Variants in DYNC1I2 observed in about 807,000 individuals in gnomAD.
DYNC1I2 encodes dynein cytoplasmic 1 intermediate chain 2, also known as cytoplasmic dynein 1 intermediate chain 2.
A neutral mutation model predicts 88.6 loss-of-function variants in DYNC1I2; 53 were observed. The observed-to-expected ratio is 0.60, with a 90% CI of 0.48 to 0.75. The LOEUF is 0.75. DYNC1I2 is among the 30% of genes least tolerant of loss of function. The pLI is 0.00. For missense variants in DYNC1I2, 458 were observed against 766.6 expected (o/e 0.60, Z 4.75); for synonymous variants, 198 against 254.6 (o/e 0.78, Z 2.12).
chr2:171,712,530 A>G (rs959817565), intron 5 of DYNC1I2: 1 of 453,740 alleles, frequency 2.2e-6, no homozygotes, highest in Non-Finnish European at 3.9e-6. Context: ...TCTTTTAACT[A>G]TTCTGGGTTG....
intron 7 of DYNC1I2, among the ~76,000 whole-genome samples, chr2:171,717,241 G>A (rs191095801): frequency 8.0e-5 from 12 of 149,878 alleles, no homozygotes; most frequent in Admixed American, 7.4e-4. Context: ...AGCTTCCTGA[G>A]TAGCTGGGAT....
chr2:171,734,051 G>A (rs937972046), intron 15 of DYNC1I2, among the ~76,000 whole-genome samples: 5 of 152,116 alleles, frequency 3.3e-5, no homozygotes, highest in African/African-American at 1.2e-4. Context: ...GTTAAACAGG[G>A]AATCTATTCC....
chr2:171,727,677 TTTTAA>T lies in DYNC1I2; in HGVS notation c.997-141_997-137del, dbSNP rs1039051213. 27 of 631,432 alleles carry T rather than the reference TTTTAA, an allele frequency of 4.3e-5. No individual in the cohort carries two copies. In the African/African-American group the frequency reaches 5.1e-4, roughly 12 times the overall value. 39.1% of individuals were successfully genotyped at this position (631,432 alleles called of 1,614,324 possible). ...TTTATATTTCTGAAACAGTGAAAAC[TTTTAA>T]TTAATTTACTTAGTTGTTTTTATAA... On this transcript the variant is annotated intron_variant, in intron 11 of 17. Coordinates refer to ENST00000397119, the MANE Select transcript of DYNC1I2 (RefSeq NM_001378.3).
intron 15 of DYNC1I2, among the ~76,000 whole-genome samples, chr2:171,730,557 TC>T (rs1688539048): frequency 6.6e-6 from 1 of 152,216 alleles, no homozygotes. Context: ...CAACATTACC[TC>T]CTGTGATAGA....
intron 7 of DYNC1I2, among the ~76,000 whole-genome samples, chr2:171,715,850 A>T (rs947481653): frequency 6.6e-6 from 1 of 152,214 alleles, no homozygotes. Context: ...TCTGAAAAGC[A>T]TACTGTACCC....
At chr2:171,728,964 A>AT (rs1249153326) in intron 14 of DYNC1I2, 114 bp downstream of exon 14, 3 of 1,200,428 alleles carry the variant, frequency 2.5e-6, no homozygotes, top group Non-Finnish European at 3.4e-6. Context: ...TTTGTGACAG[A>AT]TTTTTTGTGT....
intron 3 of DYNC1I2, among the ~76,000 whole-genome samples, chr2:171,699,994 T>G (rs1178048705): frequency 6.6e-6 from 1 of 152,184 alleles, no homozygotes; most frequent in African/African-American, 2.4e-5. Flanking sequence ...TAAACATTTA[T>G]TATCTCTTAT....
At chr2:171,723,778 C>G (rs1404991100) in intron 7 of DYNC1I2, among the ~76,000 whole-genome samples, 3 of 152,124 alleles carry the variant, frequency 2.0e-5, no homozygotes, top group Admixed American at 1.3e-4. Context: ...TGTTCTTTCC[C>G]CTTTGCACCA....
At chr2:171,697,217 C>T (rs1032360346) in intron 3 of DYNC1I2, among the ~76,000 whole-genome samples, 1 of 151,854 alleles carries the variant, frequency 6.6e-6, no homozygotes, top group Non-Finnish European at 1.5e-5. Context: ...GATGGGGTCT[C>T]ACTATGTTGC....
intron 15 of DYNC1I2, among the ~76,000 whole-genome samples, chr2:171,739,092 G>T (rs1689214706): frequency 7.3e-6 from 1 of 137,094 alleles, no homozygotes; most frequent in Non-Finnish European, 1.6e-5. Flanking sequence ...CTCTAGCCTG[G>T]GCAACAAGAG....
At chr2:171,689,348 G>A (rs530267775) in intron 1 of DYNC1I2, among the ~76,000 whole-genome samples, 3 of 152,242 alleles carry the variant, frequency 2.0e-5, no homozygotes, top group East Asian at 3.9e-4. Flanking sequence ...TAACTCCTGC[G>A]TTTTGCTTTA....
chr2:171,693,045 A>G (rs1426613051), intron 3 of DYNC1I2, 151 bp downstream of exon 3: 7 of 656,930 alleles, frequency 1.1e-5, no homozygotes, highest in Middle Eastern at 3.7e-4. Flanking sequence ...TTTTTTTCAG[A>G]TATGCTAGTA....
chr2:171,717,637 T>C (rs1687606553), intron 7 of DYNC1I2, among the ~76,000 whole-genome samples: 1 of 152,198 alleles, frequency 6.6e-6, no homozygotes, highest in Non-Finnish European at 1.5e-5. Flanking sequence ...TGCAGGATTC[T>C]GTAATTTCTA....
chr2:171,722,298 G>A (rs906449151), intron 7 of DYNC1I2, among the ~76,000 whole-genome samples: 3 of 152,130 alleles, frequency 2.0e-5, no homozygotes, highest in Admixed American at 1.3e-4. Context: ...TAAAAATTCA[G>A]TGGTTCATTA....
intron 1 of DYNC1I2, among the ~76,000 whole-genome samples, chr2:171,689,807 G>A (rs1685247940): frequency 6.6e-6 from 1 of 151,314 alleles, no homozygotes; most frequent in African/African-American, 2.4e-5. Context: ...GACTTCCTGG[G>A]CTCCAGCAAT....
At chr2:171,699,696 G>C (rs190953680) in intron 3 of DYNC1I2, among the ~76,000 whole-genome samples, 47 of 151,872 alleles carry the variant, frequency 3.1e-4, no homozygotes, top group African/African-American at 1.1e-3. Flanking sequence ...CTGGAGTGCA[G>C]TGGTGTGATC....
intron 17 of DYNC1I2, among the ~76,000 whole-genome samples, chr2:171,747,433 T>G (rs16859812): frequency 0.016 from 2,499 of 152,048 alleles, 57 homozygotes; most frequent in African/African-American, 0.053. Flanking sequence ...ACTAGGAATT[T>G]TGCAAGAATA....
At chr2:171,728,031 G>A in intron 12 of DYNC1I2, 64 bp downstream of exon 12, 1 of 1,519,914 alleles carries the variant, frequency 6.6e-7, no homozygotes, top group Non-Finnish European at 8.8e-7. Context: ...ATAATACTTA[G>A]TAGTGGCCAT....
intron 3 of DYNC1I2, among the ~76,000 whole-genome samples, chr2:171,701,885 A>G (rs116444232): frequency 0.023 from 3,493 of 152,286 alleles, 63 homozygotes; most frequent in Admixed American, 0.042. Flanking sequence ...TTGATTAAAT[A>G]TTAGCTTATC....
Sources: gnomAD v4.1 joint callset for allele counts (sites outside exome capture counted in the v4.1 genomes callset) on GRCh38, gnomAD v4.1.1 for gene constraint, MANE v1.5 for transcripts, NCBI Gene and HGNC (gene_info 2026-07-23, HGNC 2026-07-21) for gene names.